The following SRGAP2C variants were observed in gnomAD, a reference collection of about 807,000 sequenced individuals.
The protein encoded by SRGAP2C is SLIT-ROBO Rho GTPase activating protein 2C, also known as SLIT-ROBO Rho GTPase-activating protein 2C.
Under a neutral mutation model 25.1 loss-of-function variants are expected in SRGAP2C, and 15 were observed. That is an observed-to-expected ratio of 0.60 (90% CI 0.40 to 0.92). SRGAP2C has a LOEUF of 0.92. Ranked by LOEUF, SRGAP2C falls within the 40% of genes least tolerant of loss-of-function variation. The probability of loss-of-function intolerance (pLI) is 0.00; values close to 1 mark genes in which losing one functional copy is unlikely to be tolerated. For missense variants in SRGAP2C, 144 were observed against 264.4 expected, an observed-to-expected ratio of 0.54 and a Z score of 3.16; for synonymous variants, 44 against 96.6, an observed-to-expected ratio of 0.46 and a Z score of 3.19.
chr1:121,239,714 C>T lies in SRGAP2C; in HGVS notation c.68-45089C>T, dbSNP rs1337693802. On this transcript the variant is annotated intron_variant, in intron 2 of 9. Coordinates refer to ENST00000367123, the MANE Select transcript of SRGAP2C (RefSeq NM_001329984.2). ...AAATCAGGGGTCAGCAAACTACAGC[C>T]CATGGGTCAAATCTGTCCTGCTGCC... Among the ~76,000 whole-genome samples the T allele has an allele frequency of 3.3e-5, 5 of 151,464 alleles. No individual in the cohort carries two copies. The East Asian group carries it at 6.0e-4, about 18-fold the overall frequency.
intron 2 of SRGAP2C, among the ~76,000 whole-genome samples, chr1:121,211,559 AG>A (rs1396452979): frequency 2.7e-5 from 4 of 150,596 alleles, no homozygotes; most frequent in Non-Finnish European, 3.0e-5. Context: ...TAAAGAAAAA[AG>A]GTTTCTCTGC....
At chr1:121,209,864 C>T (rs1369964513) in intron 2 of SRGAP2C, among the ~76,000 whole-genome samples, 19 of 94,100 alleles carry the variant, frequency 2.0e-4, no homozygotes, top group African/African-American at 6.6e-4. Context: ...CCTTTTATGG[C>T]GAAATGTGTT....
intron 3 of SRGAP2C, among the ~76,000 whole-genome samples, chr1:121,304,247 G>T (rs1657770872): frequency 7.9e-6 from 1 of 126,262 alleles, no homozygotes; most frequent in Admixed American, 8.0e-5. Context: ...ACTAACCCAT[G>T]CCTCTGAAAA....
chr1:121,259,530 A>G lies in SRGAP2C; in HGVS notation c.68-25273A>G, dbSNP rs587627108. Among the ~76,000 whole-genome samples the G allele has an allele frequency of 3.6e-4, 52 of 145,868 alleles. 1 individual carries two copies. The highest frequency in any genetic ancestry group is 1.2e-3 in the African/African-American group (46 of 39,582). On this transcript the variant is annotated intron_variant, in intron 2 of 9. Coordinates refer to ENST00000367123, the MANE Select transcript of SRGAP2C (RefSeq NM_001329984.2). Reference sequence around the variant, plus strand: ...AGAAGACCCTTTTTTTCTTTTAGCCACTACCAAGTAGGTGAAGATATACTT... The same window carrying G: ...AGAAGACCCTTTTTTTCTTTTAGCCGCTACCAAGTAGGTGAAGATATACTT...
At chr1:121,329,888 C>T (rs1195626080) in intron 4 of SRGAP2C, among the ~76,000 whole-genome samples, 8 of 152,114 alleles carry the variant, frequency 5.3e-5, no homozygotes, top group Admixed American at 1.3e-4. Context: ...GTTTGGTGCT[C>T]CTGACATCTC....
In SRGAP2C at chr1:121,374,809, TTC is replaced by T. The variant is rs1659595429; in HGVS notation, c.703-15_703-14del. On this transcript the variant is annotated splice_polypyrimidine_tract_variant and intron_variant, in intron 6 of 9. Coordinates refer to ENST00000367123, the MANE Select transcript of SRGAP2C (RefSeq NM_001329984.2). The stretch of plus-strand genomic sequence containing the variant: ...TTTAAAAAAAAAGGTAAAAGTGAAC[TTC>T]TGTTTCCTTTTCAGCACCAAGCCAA... 5 of 756,578 alleles carry T rather than the reference TTC, an allele frequency of 6.6e-6. No homozygotes were observed. The highest frequency in any genetic ancestry group is 5.5e-5 in the Admixed American group (3 of 54,396). 46.9% of individuals were successfully genotyped at this position (756,578 alleles called of 1,614,324 possible).
chr1:121,258,657 G>T (rs1570743285), intron 2 of SRGAP2C, among the ~76,000 whole-genome samples: 1 of 141,198 alleles, frequency 7.1e-6, no homozygotes, highest in Non-Finnish European at 1.5e-5. Context: ...GTAGAGACGA[G>T]ATTTCTCCAT....
chr1:121,201,713 G>A (rs1263178863), intron 2 of SRGAP2C, among the ~76,000 whole-genome samples: 1 of 152,254 alleles, frequency 6.6e-6, no homozygotes, highest in Non-Finnish European at 1.5e-5. Flanking sequence ...GGCTTAGTGG[G>A]CATGATGTGA....
chr1:121,335,363 T>A (rs1658489436), intron 4 of SRGAP2C, among the ~76,000 whole-genome samples: 1 of 139,026 alleles, frequency 7.2e-6, no homozygotes, highest in African/African-American at 2.7e-5. Flanking sequence ...AATAAATAAA[T>A]AAATAAATAA....
chr1:121,268,222 G>C (rs1230371503), intron 2 of SRGAP2C, among the ~76,000 whole-genome samples: 2 of 151,210 alleles, frequency 1.3e-5, no homozygotes, highest in African/African-American at 4.8e-5. Context: ...GGTCACAAAG[G>C]CTGCTGTGAG....
intron 4 of SRGAP2C, among the ~76,000 whole-genome samples, chr1:121,357,045 C>G (rs1367575806): frequency 6.9e-6 from 1 of 145,594 alleles, no homozygotes; most frequent in Non-Finnish European, 1.5e-5. Flanking sequence ...AGACTTTGGT[C>G]AGGGACCAAA....
intron 2 of SRGAP2C, among the ~76,000 whole-genome samples, chr1:121,263,065 A>G (rs1297297870): frequency 6.6e-6 from 1 of 151,994 alleles, no homozygotes; most frequent in Admixed American, 6.6e-5. Flanking sequence ...TAGTAATAAG[A>G]ATTTGAGACT....
chr1:121,233,168 A>G, intron 2 of SRGAP2C, among the ~76,000 whole-genome samples: 2 of 132,458 alleles, frequency 1.5e-5, no homozygotes, highest in African/African-American at 2.8e-5. Flanking sequence ...TTTTTTTGAG[A>G]CAGAGTCTTG....
At chr1:121,315,546 A>G (rs1658078386) in intron 3 of SRGAP2C, among the ~76,000 whole-genome samples, 1 of 151,722 alleles carries the variant, frequency 6.6e-6, no homozygotes, top group Non-Finnish European at 1.5e-5. Context: ...GGCTTCTCTT[A>G]TACCACTCAG....
intron 4 of SRGAP2C, among the ~76,000 whole-genome samples, chr1:121,358,769 A>T (rs1440859172): frequency 2.8e-5 from 2 of 70,700 alleles, no homozygotes; most frequent in African/African-American, 5.4e-5. Flanking sequence ...TTGAAATCAG[A>T]TTTTTTTTTT....
At chr1:121,354,242 CCTTT>C (rs1300862238) in intron 4 of SRGAP2C, among the ~76,000 whole-genome samples, 7 of 62,394 alleles carry the variant, frequency 1.1e-4, no homozygotes, top group African/African-American at 3.7e-4. Context: ...CAGGTAGATT[CCTTT>C]CTTTCTTTCT....
chr1:121,372,904 C>CACACAT lies in SRGAP2C; in HGVS notation c.487-1066_487-1065insCACATA. Among the ~76,000 whole-genome samples, 3 of 73,032 alleles carry CACACAT rather than the reference C, an allele frequency of 4.1e-5. 1 individual carries two copies. In the South Asian group the frequency reaches 1.1e-3, roughly 27 times the overall value. The allele number at this position is 73,032 out of a possible 152,430, so 47.9% of individuals were successfully genotyped here. ...GCACACACACACACACACACACACA[C>CACACAT]ATGCACACACACACCCAACTTCTAC... On this transcript the variant is annotated intron_variant, in intron 5 of 9. Coordinates refer to ENST00000367123, the MANE Select transcript of SRGAP2C (RefSeq NM_001329984.2).
In SRGAP2C at chr1:121,184,993, C is replaced by T. The variant is rs375783820; in HGVS notation, c.-674C>T. 1 of 510,300 alleles carries T rather than the reference C, an allele frequency of 2.0e-6. No individual in the cohort carries two copies. Among genetic ancestry groups the T allele is most frequent in the Non-Finnish European group, 3.4e-6 (1 of 291,928 alleles). The allele number at this position is 510,300 out of a possible 1,614,324, so 31.6% of individuals were successfully genotyped here. ...TCCCGGCGGGGTCCTGCGGAGTTGGCGGAGGCGGCGGAGGCTCCTCCAGGG... is the reference window on the plus strand; with the variant it reads ...TCCCGGCGGGGTCCTGCGGAGTTGGTGGAGGCGGCGGAGGCTCCTCCAGGG... On this transcript the variant is annotated 5_prime_UTR_variant, in exon 1 of 10. Coordinates refer to ENST00000367123, the MANE Select transcript of SRGAP2C (RefSeq NM_001329984.2).
At chr1:121,196,283 CAAAA>C (rs1191794947) in intron 2 of SRGAP2C, among the ~76,000 whole-genome samples, 1 of 33,554 alleles carries the variant, frequency 3.0e-5, no homozygotes. Context: ...AACTCCATCT[CAAAA>C]AAAAAAAAAA....
Sources: allele counts gnomAD v4.1 joint callset (sites outside exome capture counted in the v4.1 genomes callset), GRCh38; gene constraint gnomAD v4.1.1; transcripts MANE v1.5; gene names NCBI Gene and HGNC (gene_info 2026-07-23, HGNC 2026-07-21).